The following STAB2 variants were observed in gnomAD, a reference collection of about 807,000 sequenced individuals.
STAB2 encodes stabilin 2, also known as stabilin-2.
Under a neutral mutation model 338.1 loss-of-function variants are expected in STAB2, and 288 were observed. That is an observed-to-expected ratio of 0.85 (90% CI 0.77 to 0.94). STAB2 has a LOEUF of 0.94. Among genes scored for constraint, STAB2 ranks in the 40% least tolerant of loss-of-function variants. The pLI is 0.00. For synonymous variants in STAB2, 1,202 were observed against 1,193.3 expected, an observed-to-expected ratio of 1.01 and a Z score of -0.15; for missense variants, 3,141 against 3,210.1, an observed-to-expected ratio of 0.98 and a Z score of 0.52.
Position 103,766,436 on chromosome 12 carries a change from A to G in STAB2, c.*100A>G. 4.5e-6 allele frequency: 6 copies of G among 1,343,570 alleles called. No individual in the cohort carries two copies. In the South Asian group the frequency reaches 5.6e-5, roughly 13 times the overall value. 83.2% of individuals were successfully genotyped at this position (1,343,570 alleles called of 1,614,324 possible). On this transcript the variant is annotated 3_prime_UTR_variant, in exon 69 of 69. Coordinates refer to ENST00000388887, the MANE Select transcript of STAB2 (RefSeq NM_017564.10). ...CCTTTTAGGAACGTAAAGTCCTTTA[A>G]GCACTCAGAAGCCATACCTCATCTC...
chr12:103,736,702 T>C (rs1882153809), intron 52 of STAB2, among the ~76,000 whole-genome samples: 1 of 152,072 alleles, frequency 6.6e-6, no homozygotes, highest in African/African-American at 2.4e-5. Flanking sequence ...AAAAAAACAA[T>C]GAACCTCAGA....
chr12:103,646,036 C>A (rs963295213), intron 9 of STAB2, among the ~76,000 whole-genome samples: 1 of 152,156 alleles, frequency 6.6e-6, no homozygotes, highest in African/African-American at 2.4e-5. Context: ...GTAATCCCAG[C>A]ACTTTGGGAG....
intron 6 of STAB2, among the ~76,000 whole-genome samples, chr12:103,633,016 AG>A (rs767877987): frequency 3.3e-5 from 5 of 152,234 alleles, no homozygotes; most frequent in Non-Finnish European, 5.9e-5. Flanking sequence ...TGGTAGTAAC[AG>A]GATGAATAAA....
At chr12:103,761,486 G>A in intron 66 of STAB2, 76 bp downstream of exon 66, 1 of 1,305,792 alleles carries the variant, frequency 7.7e-7, no homozygotes, top group South Asian at 1.2e-5. Flanking sequence ...ACCATTACCA[G>A]AAGCCCTGTC....
intron 42 of STAB2, among the ~76,000 whole-genome samples, chr12:103,714,676 G>C (rs1022850488): frequency 4.3e-4 from 62 of 144,572 alleles, no homozygotes; most frequent in African/African-American, 1.7e-3. Context: ...GATGGAGTGA[G>C]ACTCCATTTC....
chr12:103,693,468 G>A (rs1878129651), intron 31 of STAB2, among the ~76,000 whole-genome samples: 1 of 152,012 alleles, frequency 6.6e-6, no homozygotes, highest in African/African-American at 2.4e-5. Flanking sequence ...TTGAGCTTAA[G>A]CACCCTGGCA....
chr12:103,765,251 G>C (rs1884852908), intron 68 of STAB2, among the ~76,000 whole-genome samples: 2 of 152,110 alleles, frequency 1.3e-5, no homozygotes, highest in South Asian at 4.1e-4. Flanking sequence ...GTCCCCTTCT[G>C]AGGGCTCTAT....
Position 103,685,453 on chromosome 12 carries a change from TGC to T in STAB2, c.2997+373_2997+374del, listed in dbSNP as rs1555238675. ...GTGTGTGTGTGTGTGTGTGTGTGTG[TGC>T]GCGTGCGTGTGTGTGTGCGTGCGCG... is the stretch of plus-strand genomic sequence containing the variant. On this transcript the variant is annotated intron_variant, in intron 27 of 68. Coordinates refer to ENST00000388887, the MANE Select transcript of STAB2 (RefSeq NM_017564.10). Among the ~76,000 whole-genome samples the T allele has an allele frequency of 1.0e-3, 115 of 113,706 alleles. 1 individual carries two copies. Among genetic ancestry groups the T allele is most frequent in the Admixed American group, 4.5e-3 (46 of 10,186 alleles). 74.6% of individuals were successfully genotyped at this position (113,706 alleles called of 152,430 possible).
rs74988097 is a variant in STAB2 at position 103,762,168 on chromosome 12, G to C, written c.7360-106G>C. 6.1e-3 allele frequency: 9,041 copies of C among 1,479,504 alleles called. 416 individuals are homozygous for C. In the African/African-American group the frequency reaches 0.11, roughly 18 times the overall value. 91.6% of individuals were successfully genotyped at this position (1,479,504 alleles called of 1,614,324 possible). A position where few individuals can be genotyped will look rare whatever the true frequency, so the allele number is the denominator to read the frequency against. The stretch of plus-strand genomic sequence containing the variant: ...GGGCCAGATACATGTTAACATGTCA[G>C]TATTTTTATCCCCACTGGCTCCAGA... On this transcript the variant is annotated intron_variant, in intron 66 of 68. Transcript: ENST00000388887.
intron 30 of STAB2, among the ~76,000 whole-genome samples, chr12:103,691,156 G>A (rs1877903064): frequency 6.6e-6 from 1 of 152,142 alleles, no homozygotes; most frequent in Admixed American, 6.5e-5. Context: ...ATTCTGTGAG[G>A]GAGTCTGGCC....
chr12:103,646,005 C>T (rs759495078), intron 9 of STAB2, among the ~76,000 whole-genome samples: 16 of 152,124 alleles, frequency 1.1e-4, no homozygotes, highest in South Asian at 6.2e-4. Flanking sequence ...CATAGGCAGC[C>T]GAGCACGGTG....
At position 103,675,976 on chromosome 12, in the gene STAB2, G is replaced by A. The variant is rs1260251185; in HGVS notation, c.2601G>A (p.Glu867=). 2.5e-6 allele frequency: 4 copies of A among 1,611,462 alleles called. No homozygotes were observed. In the South Asian group the frequency reaches 3.3e-5, roughly 13 times the overall value. The change falls in exon 24 of 69, where the codon GAG becomes GAA. Residue 867 remains glutamate (E), a synonymous_variant. Transcript: ENST00000388887. ...GYEGDGTLCS[E]MDPCTGLTPG... ...AAGGAGATGGAACTCTGTGTTCTGA[G>A]ATGGACCCTTGCACAGGACTAACTC...
chr12:103,726,334 C>T (rs1296476637), intron 46 of STAB2, among the ~76,000 whole-genome samples, 171 bp downstream of exon 46: 1 of 152,102 alleles, frequency 6.6e-6, no homozygotes, highest in African/African-American at 2.4e-5. Flanking sequence ...TTTAAAAATA[C>T]AAAAAAGATT....
chr12:103,711,335 A>C, intron 39 of STAB2, 136 bp from the exon 40 acceptor site: 1 of 1,148,698 alleles, frequency 8.7e-7, no homozygotes, highest in Non-Finnish European at 1.2e-6. Flanking sequence ...AAGGATTGAC[A>C]TGACCTCATA....
chr12:103,666,156 G>A (rs550860434), intron 18 of STAB2, 135 bp from the exon 19 acceptor site: 1 of 771,554 alleles, frequency 1.3e-6, no homozygotes, highest in Non-Finnish European at 2.2e-6. Flanking sequence ...TGGGGAGGGG[G>A]TGGGTAGAGA....
chr12:103,743,860 A>C (rs937319811), intron 56 of STAB2, among the ~76,000 whole-genome samples: 1 of 152,180 alleles, frequency 6.6e-6, no homozygotes, highest in East Asian at 1.9e-4. Context: ...GAAGAGAGGA[A>C]GAGAATGCAA....
intron 46 of STAB2, 113 bp downstream of exon 46, chr12:103,726,276 C>T: frequency 1.9e-6 from 2 of 1,066,794 alleles, no homozygotes; most frequent in South Asian, 2.8e-5. Flanking sequence ...ATTGCCTGAG[C>T]TCAGGAGTTC....
intron 6 of STAB2, among the ~76,000 whole-genome samples, chr12:103,633,425 G>C (rs1156777401): frequency 6.6e-6 from 1 of 152,240 alleles, no homozygotes. Flanking sequence ...GTTCATGCCT[G>C]TAATTCCAGC....
At chr12:103,758,120 T>C (rs1884269816) in intron 63 of STAB2, 50 bp from the exon 64 acceptor site, 1 of 1,611,424 alleles carries the variant, frequency 6.2e-7, no homozygotes, top group Admixed American at 1.7e-5. Context: ...GCCACCCAGG[T>C]CCCTGCACAC....
Sources: gnomAD v4.1 joint callset for allele counts (sites outside exome capture counted in the v4.1 genomes callset) on GRCh38, gnomAD v4.1.1 for gene constraint, MANE v1.5 for transcripts, NCBI Gene and HGNC (gene_info 2026-07-23, HGNC 2026-07-21) for gene names.